The following ROBO2 variants were observed in gnomAD, a reference collection of about 807,000 sequenced individuals.
ROBO2 encodes the protein roundabout homolog 2.
Under a neutral mutation model 160.8 loss-of-function variants are expected in ROBO2, and 53 were observed. The ratio of observed to expected loss-of-function variants is 0.33; its 90% CI spans 0.26 to 0.41. ROBO2 has a LOEUF of 0.41. ROBO2 is among the 10% of genes least tolerant of loss of function. The pLI, the probability that ROBO2 is intolerant of heterozygous loss-of-function variation, is 1.00. For synonymous variants in ROBO2, 664 were observed against 611.7 expected (o/e 1.09, Z -1.26); for missense variants, 1,577 against 1,722.4 (o/e 0.92, Z 1.49).
chr3:76,134,181 T>C (rs946415679), intron 2 of ROBO2, among the ~76,000 whole-genome samples: 7 of 152,174 alleles, frequency 4.6e-5, no homozygotes, highest in Admixed American at 1.3e-4. Context: ...CTTATACTTC[T>C]GATGTAACTT....
intron 2 of ROBO2, among the ~76,000 whole-genome samples, chr3:76,216,969 C>T (rs986959753): frequency 8.5e-5 from 13 of 152,078 alleles, no homozygotes; most frequent in Non-Finnish European, 1.6e-4. Flanking sequence ...TCTCTCAGAC[C>T]ACAGTGCAAT....
At chr3:77,482,266 C>T (rs1189701709) in intron 4 of ROBO2, among the ~76,000 whole-genome samples, 1 of 152,084 alleles carries the variant, frequency 6.6e-6, no homozygotes, top group African/African-American at 2.4e-5. Flanking sequence ...TTTAAAATCC[C>T]TATTTCTGGT....
intron 2 of ROBO2, among the ~76,000 whole-genome samples, chr3:76,278,842 GTCC>G (rs1708079043): frequency 6.6e-6 from 1 of 151,936 alleles, no homozygotes; most frequent in Non-Finnish European, 1.5e-5. Flanking sequence ...AACGCCACTA[GTCC>G]TCCTCTATAG....
At chr3:76,257,711 C>T (rs1257546189) in intron 2 of ROBO2, among the ~76,000 whole-genome samples, 1 of 152,046 alleles carries the variant, frequency 6.6e-6, no homozygotes, top group East Asian at 1.9e-4. Flanking sequence ...TCCTTTCTCT[C>T]ACTGCATACA....
intron 2 of ROBO2, among the ~76,000 whole-genome samples, chr3:76,868,165 TG>T (rs2148659582): frequency 6.6e-6 from 1 of 152,312 alleles, no homozygotes; most frequent in South Asian, 2.1e-4. Context: ...AGTTACGATT[TG>T]TTTTTTTTAC....
At chr3:77,007,757 G>A (rs1397558006) in intron 2 of ROBO2, among the ~76,000 whole-genome samples, 3 of 151,972 alleles carry the variant, frequency 2.0e-5, no homozygotes, top group African/African-American at 4.8e-5. Context: ...AAACATCTTT[G>A]AGCATCTGTG....
chr3:76,012,921 G>A (rs908350155), intron 2 of ROBO2, among the ~76,000 whole-genome samples: 4 of 149,380 alleles, frequency 2.7e-5, no homozygotes, highest in African/African-American at 7.4e-5. Flanking sequence ...TGACTGGCAC[G>A]GTGGCTTACG....
chr3:76,843,696 A>C (rs1464831605), intron 2 of ROBO2, among the ~76,000 whole-genome samples: 2 of 151,926 alleles, frequency 1.3e-5, no homozygotes, highest in African/African-American at 2.4e-5. Flanking sequence ...CTTAATAGAA[A>C]TGCAGAATCT....
At chr3:75,970,477 G>C (rs886668098) in intron 2 of ROBO2, among the ~76,000 whole-genome samples, 18 of 151,548 alleles carry the variant, frequency 1.2e-4, no homozygotes, top group African/African-American at 4.1e-4. Context: ...TGCCAACAGA[G>C]GGTTAATTCC....
At chr3:76,428,306 C>T (rs185297237) in intron 2 of ROBO2, among the ~76,000 whole-genome samples, 40 of 151,716 alleles carry the variant, frequency 2.6e-4, no homozygotes, top group African/African-American at 8.5e-4. Context: ...GTGGATACCT[C>T]GAAAAGAAAA....
At chr3:76,909,002 A>G (rs898959522) in intron 2 of ROBO2, among the ~76,000 whole-genome samples, 2 of 152,166 alleles carry the variant, frequency 1.3e-5, no homozygotes, top group Non-Finnish European at 2.9e-5. Flanking sequence ...CTGAGCAGGG[A>G]GAATTGCTTA....
At chr3:77,101,231 CAT>C (rs2071879287) in intron 2 of ROBO2, among the ~76,000 whole-genome samples, 1 of 152,266 alleles carries the variant, frequency 6.6e-6, no homozygotes, top group South Asian at 2.1e-4. Context: ...CAGCTTGAAA[CAT>C]ATTTAGGAAT....
chr3:76,056,580 A>G (rs1198576056), intron 2 of ROBO2, among the ~76,000 whole-genome samples: 1 of 152,198 alleles, frequency 6.6e-6, no homozygotes, highest in Admixed American at 6.5e-5. Flanking sequence ...ACAAAAAAAG[A>G]AAAAGAAAAG....
At chr3:76,929,250 A>C (rs2077183758) in intron 2 of ROBO2, among the ~76,000 whole-genome samples, 1 of 151,986 alleles carries the variant, frequency 6.6e-6, no homozygotes, top group South Asian at 2.1e-4. Context: ...ATGGAGCGAG[A>C]CTCCATCTCA....
intron 2 of ROBO2, among the ~76,000 whole-genome samples, chr3:76,774,829 G>T (rs113677986): frequency 2.1e-5 from 3 of 143,802 alleles, no homozygotes; most frequent in Non-Finnish European, 3.1e-5. Flanking sequence ...TTTTTTTCCC[G>T]AGAGGTAGTA....
chr3:76,075,070 G>T (rs2068599908), intron 2 of ROBO2, among the ~76,000 whole-genome samples: 1 of 152,068 alleles, frequency 6.6e-6, no homozygotes, highest in South Asian at 2.1e-4. Context: ...ATACGAGCTT[G>T]ATCGTATTTA....
intron 1 of ROBO2, among the ~76,000 whole-genome samples, chr3:77,056,706 CT>C (rs1326930709): frequency 3.3e-5 from 5 of 152,048 alleles, no homozygotes; most frequent in Non-Finnish European, 7.4e-5. Context: ...AAGGCTGTAA[CT>C]TTTTTTCAAA....
chr3:77,122,571 T>C (rs999469790), intron 2 of ROBO2, among the ~76,000 whole-genome samples: 3 of 152,214 alleles, frequency 2.0e-5, no homozygotes, highest in South Asian at 2.1e-4. Flanking sequence ...AGTTAGCTAA[T>C]TTAAAATCAG....
At chr3:77,123,624 T>C (rs1234451442) in intron 2 of ROBO2, among the ~76,000 whole-genome samples, 2 of 151,722 alleles carry the variant, frequency 1.3e-5, no homozygotes, top group South Asian at 2.1e-4. Flanking sequence ...TGAAACTGTT[T>C]AACAATTCTA....
Sources: allele counts gnomAD v4.1 joint callset (sites outside exome capture counted in the v4.1 genomes callset), GRCh38; gene constraint gnomAD v4.1.1; transcripts MANE v1.5; gene names NCBI Gene and HGNC (gene_info 2026-07-23, HGNC 2026-07-21).